The following KLF6 variants were observed in gnomAD, a reference collection of about 807,000 sequenced individuals.
KLF6 encodes the protein Krueppel-like factor 6.
For missense variants in KLF6, 233 were observed against 359.8 expected, an observed-to-expected ratio of 0.65 and a Z score of 2.85; for synonymous variants, 152 against 147.9, an observed-to-expected ratio of 1.03 and a Z score of -0.20.
In KLF6 at chr10:3,776,268, A is replaced by G. The variant is rs1339605546; in HGVS notation, c.*3271T>C. 3.8e-6 allele frequency: 2 copies of G among 532,638 alleles called. No homozygotes were observed. Among genetic ancestry groups the G allele is most frequent in the Non-Finnish European group, 7.3e-6 (2 of 275,352 alleles). 33.0% of individuals were successfully genotyped at this position (532,638 alleles called of 1,614,324 possible). On this transcript the variant is annotated 3_prime_UTR_variant, in exon 4 of 4. Transcript: ENST00000497571. ...TGCATTCCCTGGCTTGAGCAATGGAAGATCAAACCGGCATGGTTCCCTACT... is the reference window on the plus strand; with the variant it reads ...TGCATTCCCTGGCTTGAGCAATGGAGGATCAAACCGGCATGGTTCCCTACT...
rs1564293399 is a variant in KLF6 at position 3,778,096 on chromosome 10, C to T, written c.*1443G>A. 2 of 516,654 alleles carry T rather than the reference C, an allele frequency of 3.9e-6. No homozygotes were observed. The highest frequency in any genetic ancestry group is 7.5e-6 in the Non-Finnish European group (2 of 265,264). 32.0% of individuals were successfully genotyped at this position (516,654 alleles called of 1,614,324 possible). On this transcript the variant is annotated 3_prime_UTR_variant, in exon 4 of 4. Coordinates refer to ENST00000497571, the MANE Select transcript of KLF6 (RefSeq NM_001300.6). ...ATTTTAACACTGACAGTCAAGTTGC[C>T]TAAAGTGTTGAACAAATACTGACAT...
Position 3,776,431 on chromosome 10 carries a change from G to A in KLF6, c.*3108C>T, listed in dbSNP as rs931892051. ...GTGGAAAGAGGAAGGGGCTGAGGTCGGTGAGTTGTTCTCAGGGTTGCTCAA... is the reference window on the plus strand; with the variant it reads ...GTGGAAAGAGGAAGGGGCTGAGGTCAGTGAGTTGTTCTCAGGGTTGCTCAA... On this transcript the variant is annotated 3_prime_UTR_variant, in exon 4 of 4. Transcript: ENST00000497571. 9 of 531,916 alleles carry A rather than the reference G, an allele frequency of 1.7e-5. No individual in the cohort carries two copies. Among genetic ancestry groups the A allele is most frequent in the Middle Eastern group, 5.2e-4 (1 of 1,940 alleles). The allele number at this position is 531,916 out of a possible 1,614,324, so 32.9% of individuals were successfully genotyped here.
rs1196786709 is a variant in KLF6, at chr10:3,780,371, A to G, written c.677-142T>C. Reference sequence around the variant, plus strand: ...GCATCGGTAACACACAACAACTGGCAGCCTCAGAGAGACAACAGCAGCTCT... The same window carrying G: ...GCATCGGTAACACACAACAACTGGCGGCCTCAGAGAGACAACAGCAGCTCT... On this transcript the variant is annotated intron_variant, in intron 2 of 3. Coordinates refer to ENST00000497571, the MANE Select transcript of KLF6 (RefSeq NM_001300.6). The surrounding 1 kb of genome is among the most constrained non-coding windows in gnomAD (Gnocchi z 4.6). 11 of 942,316 alleles carry G rather than the reference A, an allele frequency of 1.2e-5. No homozygotes were observed. In the African/African-American group the frequency reaches 1.8e-4, roughly 15 times the overall value. 58.4% of individuals were successfully genotyped at this position (942,316 alleles called of 1,614,324 possible). A position where few individuals can be genotyped will look rare whatever the true frequency, so the allele number is the denominator to read the frequency against.
At position 3,781,807 on chromosome 10, in the gene KLF6, G is replaced by C; in HGVS notation, c.510C>G (p.Pro170=). The C allele has an allele frequency of 2.5e-6, 4 of 1,614,232 alleles. No individual in the cohort carries two copies. Among genetic ancestry groups the C allele is most frequent in the Middle Eastern group, 1.6e-4 (1 of 6,062 alleles). The change falls in exon 2 of 4, where the codon CCC becomes CCG. Residue 170 remains proline (P), a synonymous_variant. Coordinates refer to ENST00000497571, the MANE Select transcript of KLF6 (RefSeq NM_001300.6). This position sits in a 1 kb window ranked among gnomAD's most constrained non-coding sequence, Gnocchi z 5.8. The stretch of plus-strand genomic sequence containing the variant: ...TCCCGCTGCGCACCTTCCCTGGCGA[G>C]GGCAGCTCCCCGGGCACGCAACCCC... ...QLWGCVPGEL[P]SPGKVRSGTS...
At position 3,779,089 on chromosome 10, in the gene KLF6, C is replaced by G. The variant is rs778379798; in HGVS notation, c.*450G>C. 3.7e-6 allele frequency: 2 copies of G among 536,160 alleles called. No individual in the cohort carries two copies. Among genetic ancestry groups the G allele is most frequent in the Non-Finnish European group, 7.2e-6 (2 of 277,402 alleles). 33.2% of individuals were successfully genotyped at this position (536,160 alleles called of 1,614,324 possible). ...TTCTAAGGTGCAGACACCCCCTCCCCCCAAGGAAATGATTGGTGGTCATCT... is the reference window on the plus strand; with the variant it reads ...TTCTAAGGTGCAGACACCCCCTCCCGCCAAGGAAATGATTGGTGGTCATCT... On this transcript the variant is annotated 3_prime_UTR_variant, in exon 4 of 4. Transcript: ENST00000497571.
rs771904365 is a variant in KLF6, at chr10:3,777,167, C to T, written c.*2372G>A. On this transcript the variant is annotated 3_prime_UTR_variant, in exon 4 of 4. Coordinates refer to ENST00000497571, the MANE Select transcript of KLF6 (RefSeq NM_001300.6). ...AGTTATGTGAGCGTTAGTCACTGCTCATTTCCAGGAAGATCAAACAAAATA... is the reference window on the plus strand; with the variant it reads ...AGTTATGTGAGCGTTAGTCACTGCTTATTTCCAGGAAGATCAAACAAAATA... The T allele has an allele frequency of 7.6e-5, 39 of 513,784 alleles. No homozygotes were observed. Among genetic ancestry groups the T allele is most frequent in the South Asian group, 5.4e-4 (35 of 64,990 alleles). The allele number at this position is 513,784 out of a possible 1,614,324, so 31.8% of individuals were successfully genotyped here. A position where few individuals can be genotyped will look rare whatever the true frequency, so the allele number is the denominator to read the frequency against.
intron 1 of KLF6, among the ~76,000 whole-genome samples, chr10:3,783,646 AAG>A: frequency 6.6e-6 from 1 of 152,242 alleles, no homozygotes; most frequent in Non-Finnish European, 1.5e-5. Context: ...CAGCGTTCTG[AAG>A]AGAGGCAGCA....
rs1401315009 is a variant in KLF6, at chr10:3,777,556, G to C, written c.*1983C>G. The C allele has an allele frequency of 2.0e-6, 1 of 511,070 alleles. No individual in the cohort carries two copies. Among genetic ancestry groups the C allele is most frequent in the Admixed American group, 2.3e-5 (1 of 44,204 alleles). The allele number at this position is 511,070 out of a possible 1,614,324, so 31.7% of individuals were successfully genotyped here. On this transcript the variant is annotated 3_prime_UTR_variant, in exon 4 of 4. Coordinates refer to ENST00000497571, the MANE Select transcript of KLF6 (RefSeq NM_001300.6). The stretch of plus-strand genomic sequence containing the variant: ...ACCTGCCCATTTGATGGACAGAGCA[G>C]ACAGCCCGGAACAGATTCAAGCAAG...
chr10:3,776,956 T>C lies in KLF6; in HGVS notation c.*2583A>G, dbSNP rs1832397176. The C allele has an allele frequency of 1.9e-6, 1 of 516,876 alleles. No homozygotes were observed. The highest frequency in any genetic ancestry group is 3.7e-6 in the Non-Finnish European group (1 of 267,080). 32.0% of individuals were successfully genotyped at this position (516,876 alleles called of 1,614,324 possible). On this transcript the variant is annotated 3_prime_UTR_variant, in exon 4 of 4. Transcript: ENST00000497571. ...CCTTTTTTTTTTTTTGTCTTTTGCT[T>C]ACCTTCTTGCTTAATGGAATTGTTA...
In KLF6 at chr10:3,781,735, G is replaced by A. The variant is rs374531237; in HGVS notation, c.582C>T (p.Asp194=). 7.4e-6 allele frequency: 12 copies of A among 1,614,122 alleles called. No individual in the cohort carries two copies. The African/African-American group carries it at 1.2e-4, about 16-fold the overall frequency. ...GGCACCGGTGCACCCTCCTCCTGCCGTCGGGGGAGGCATCGCCATTTCCCT... is the reference window on the plus strand; with the variant it reads ...GGCACCGGTGCACCCTCCTCCTGCCATCGGGGGAGGCATCGCCATTTCCCT... ...GDKGNGDASP[D]GRRRVHRCHF... The change falls in exon 2 of 4, where the codon GAC becomes GAT. Residue 194 remains aspartate, a synonymous_variant. Transcript: ENST00000497571. This position sits in a 1 kb window ranked among gnomAD's most constrained non-coding sequence, Gnocchi z 5.8.
Position 3,779,303 on chromosome 10 carries a change from C to A in KLF6, c.*236G>T. 3 of 660,696 alleles carry A rather than the reference C, an allele frequency of 4.5e-6. No homozygotes were observed. Among genetic ancestry groups the A allele is most frequent in the Non-Finnish European group, 8.4e-6 (3 of 359,146 alleles). 40.9% of individuals were successfully genotyped at this position (660,696 alleles called of 1,614,324 possible). ...TCACGGCAAAGGCTTAGGCGCCGCT[C>A]GGAAGGGCGGGTACCAGTGGCGAGT... On this transcript the variant is annotated 3_prime_UTR_variant, in exon 4 of 4. Transcript: ENST00000497571.
In KLF6 at chr10:3,778,376, T is replaced by C. The variant is rs1399785115; in HGVS notation, c.*1163A>G. 3.8e-6 allele frequency: 2 copies of C among 524,416 alleles called. No homozygotes were observed. Among genetic ancestry groups the C allele is most frequent in the East Asian group, 4.1e-5 (1 of 24,482 alleles). The allele number at this position is 524,416 out of a possible 1,614,324, so 32.5% of individuals were successfully genotyped here. A position where few individuals can be genotyped will look rare whatever the true frequency, so the allele number is the denominator to read the frequency against. ...CATAAATAAGAGAAACATAGCTGCA[T>C]GAGAAAACAGTTTCTAAGCGTTAGT... On this transcript the variant is annotated 3_prime_UTR_variant, in exon 4 of 4. Coordinates refer to ENST00000497571, the MANE Select transcript of KLF6 (RefSeq NM_001300.6).
Position 3,778,730 on chromosome 10 carries a change from T to TA in KLF6, c.*808dup. ...TGGAATCAGTATTGCAGTCCTGACT[T>TA]AAAAATGGAAAAGCATATAGTTCCC... On this transcript the variant is annotated 3_prime_UTR_variant, in exon 4 of 4. Transcript: ENST00000497571. 1 of 529,404 alleles carries TA rather than the reference T, an allele frequency of 1.9e-6. No individual in the cohort carries two copies. The highest frequency in any genetic ancestry group is 3.7e-6 in the Non-Finnish European group (1 of 273,280). The allele number at this position is 529,404 out of a possible 1,614,324, so 32.8% of individuals were successfully genotyped here.
rs375309655 is a variant in KLF6 at position 3,781,234 on chromosome 10, G to A, written c.676+407C>T. On this transcript the variant is annotated intron_variant, in intron 2 of 3. Transcript: ENST00000497571. This position sits in a 1 kb window ranked among gnomAD's most constrained non-coding sequence, Gnocchi z 5.8. ...TCAGCATCAAACCCACACACTCCAC[G>A]CTGCCCAGCAACCCTCTGTCCTGAC... 28 of 502,694 alleles carry A rather than the reference G, an allele frequency of 5.6e-5. No homozygotes were observed. The highest frequency in any genetic ancestry group is 1.0e-4 in the East Asian group (3 of 28,878). The allele number at this position is 502,694 out of a possible 1,614,324, so 31.1% of individuals were successfully genotyped here.
chr10:3,783,358 G>C (rs1832572471), intron 1 of KLF6: 1 of 152,224 alleles, frequency 6.6e-6, no homozygotes, highest in Non-Finnish European at 1.5e-5. Flanking sequence ...TCAGCTGCCT[G>C]CATGTCCATA....
At chr10:3,784,781 T>C (rs1436085182) in intron 1 of KLF6, 132 bp downstream of exon 1, 6 of 819,874 alleles carry the variant, frequency 7.3e-6, no homozygotes, top group Non-Finnish European at 1.0e-5. Flanking sequence ...GCGGGGGCGC[T>C]GCGCCCGCTC....
chr10:3,783,936 A>G (rs1167041438), intron 1 of KLF6, among the ~76,000 whole-genome samples: 1 of 151,962 alleles, frequency 6.6e-6, no homozygotes, highest in Non-Finnish European at 1.5e-5. Flanking sequence ...CAGGAGGGGG[A>G]GGGGGAAAAG....
In KLF6 at chr10:3,781,267, T is replaced by G; in HGVS notation, c.676+374A>C. On this transcript the variant is annotated intron_variant, in intron 2 of 3. Coordinates refer to ENST00000497571, the MANE Select transcript of KLF6 (RefSeq NM_001300.6). This position sits in a 1 kb window ranked among gnomAD's most constrained non-coding sequence, Gnocchi z 5.8. ...GCAACCCTCTGTCCTGACCCTTGAG[T>G]TTCATTTAGGAAACCCCAGGGCCGC... 1 of 655,534 alleles carries G rather than the reference T, an allele frequency of 1.5e-6. No homozygotes were observed. The highest frequency in any genetic ancestry group is 2.5e-6 in the Non-Finnish European group (1 of 406,662). The allele number at this position is 655,534 out of a possible 1,614,324, so 40.6% of individuals were successfully genotyped here. A position where few individuals can be genotyped will look rare whatever the true frequency, so the allele number is the denominator to read the frequency against.
Position 3,780,019 on chromosome 10 carries a change from G to A in KLF6, c.800+87C>T, listed in dbSNP as rs1221080366. 9 of 1,526,282 alleles carry A rather than the reference G, an allele frequency of 5.9e-6. No homozygotes were observed. Among genetic ancestry groups the A allele is most frequent in the East Asian group, 4.5e-5 (2 of 44,530 alleles). The allele number at this position is 1,526,282 out of a possible 1,614,324, so 94.5% of individuals were successfully genotyped here. ...CATAGGAAACTGCATGCCTTCCTTC[G>A]AATGTGCCCTGCACACCTACTCAAC... On this transcript the variant is annotated intron_variant, in intron 3 of 3. Coordinates refer to ENST00000497571, the MANE Select transcript of KLF6 (RefSeq NM_001300.6). The surrounding 1 kb of genome is among the most constrained non-coding windows in gnomAD (Gnocchi z 4.6).
Sources: allele counts gnomAD v4.1 joint callset (sites outside exome capture counted in the v4.1 genomes callset), GRCh38; gene constraint gnomAD v4.1.1; non-coding constraint Gnocchi (gnomAD v3.1); transcripts MANE v1.5; gene names NCBI Gene and HGNC (gene_info 2026-07-23, HGNC 2026-07-21).